The following RASEF variants were observed in gnomAD, a reference collection of about 807,000 sequenced individuals.
The protein encoded by RASEF is ras and EF-hand domain-containing protein.
RASEF carries 68 observed loss-of-function variants against 90.1 expected under a neutral mutation model. The observed-to-expected ratio is 0.75, with a 90% CI of 0.62 to 0.92. RASEF has a LOEUF of 0.92. RASEF is among the 40% of genes least tolerant of loss of function. The pLI, the probability that RASEF is intolerant of heterozygous loss-of-function variation, is 0.00. For synonymous variants in RASEF, 331 were observed against 345.2 expected (o/e 0.96, Z 0.46); for missense variants, 949 against 937.2 (o/e 1.01, Z -0.16).
intron 1 of RASEF, among the ~76,000 whole-genome samples, chr9:83,032,048 C>T (rs781451257): frequency 3.0e-4 from 45 of 152,224 alleles, no homozygotes; most frequent in South Asian, 1.0e-3. Context: ...GGTCCCTCTA[C>T]GTAAGATTTA....
rs2117933652 is a variant in RASEF, at chr9:83,062,900, G to C, written c.-33C>G. ...GGCGGGGGCGGCCGAGAGGGCTCCG[G>C]AGCGCCGCGGGGCGCAGGGCCCTCC... On this transcript the variant is annotated 5_prime_UTR_variant, in exon 1 of 17. Coordinates refer to ENST00000376447, the MANE Select transcript of RASEF (RefSeq NM_152573.4). 7.1e-7 allele frequency: 1 copy of C among 1,411,986 alleles called. No homozygotes were observed. The highest frequency in any genetic ancestry group is 9.1e-7 in the Non-Finnish European group (1 of 1,095,814). 87.5% of individuals were successfully genotyped at this position (1,411,986 alleles called of 1,614,324 possible).
At chr9:83,102,225 C>T in the RASEF span, among the ~76,000 whole-genome samples, 2 of 152,094 alleles carry the variant, frequency 1.3e-5, no homozygotes, top group East Asian at 1.9e-4. Context: ...TATAGGCGCC[C>T]GCCACCACGC....
At chr9:83,192,585 C>A in the RASEF span, among the ~76,000 whole-genome samples, 8 of 151,750 alleles carry the variant, frequency 5.3e-5, no homozygotes, top group Non-Finnish European at 1.0e-4. Flanking sequence ...GAGAGGGGAG[C>A]AGAAAAAATA....
the RASEF span, among the ~76,000 whole-genome samples, chr9:83,134,818 G>A: frequency 2.3e-4 from 35 of 152,182 alleles, no homozygotes; most frequent in African/African-American, 4.1e-4. Flanking sequence ...ATAAATGCTC[G>A]TAGCAGTATT....
chr9:83,091,538 G>A, the RASEF span, among the ~76,000 whole-genome samples: 4 of 152,184 alleles, frequency 2.6e-5, no homozygotes, highest in Non-Finnish European at 4.4e-5. Context: ...CTGGATGACA[G>A]AGGGAGACAC....
At chr9:83,144,391 G>GAAAGGAAGGAAAGAAAGAAAGAAAGAAA in the RASEF span, among the ~76,000 whole-genome samples, 92 of 33,218 alleles carry the variant, frequency 2.8e-3, 2 homozygotes, top group East Asian at 7.0e-3. Flanking sequence ...AAGAAAGAAA[G>GAAAGGAAGGAAAGAAAGAAAGAAAGAAA]GAAAGAAAGA....
At chr9:83,207,450 G>A in the RASEF span, among the ~76,000 whole-genome samples, 7 of 152,106 alleles carry the variant, frequency 4.6e-5, no homozygotes, top group East Asian at 1.9e-4. Flanking sequence ...TGGGTTCATC[G>A]AAGTTACCAG....
the RASEF span, among the ~76,000 whole-genome samples, chr9:83,125,373 A>G: frequency 1.3e-5 from 2 of 152,166 alleles, no homozygotes; most frequent in African/African-American, 4.8e-5. Context: ...GCCCACTGAC[A>G]TGGATTTTGG....
the RASEF span, among the ~76,000 whole-genome samples, chr9:83,087,988 A>T: frequency 8.6e-5 from 13 of 151,974 alleles, no homozygotes; most frequent in African/African-American, 2.9e-4. Context: ...TTCCATTGTG[A>T]TTTCTCCTTT....
chr9:83,204,880 A>G, the RASEF span, among the ~76,000 whole-genome samples: 1 of 152,352 alleles, frequency 6.6e-6, no homozygotes, highest in East Asian at 1.9e-4. Flanking sequence ...AGTTTTGCCA[A>G]TTATAATTCT....
chr9:83,016,471 TG>T (rs34465702), intron 3 of RASEF, among the ~76,000 whole-genome samples: 76,046 of 151,712 alleles, frequency 0.5, 19,241 homozygotes, highest in East Asian at 0.73. Flanking sequence ...AAGCTCCCAC[TG>T]GCTGAAACAT....
chr9:83,064,438 G>T (rs1338012877), upstream of RASEF, among the ~76,000 whole-genome samples: 1 of 152,170 alleles, frequency 6.6e-6, no homozygotes, highest in African/African-American at 2.4e-5. Flanking sequence ...TTGAGCTTAT[G>T]TGCTTTCCTG....
At chr9:83,196,084 G>A in the RASEF span, among the ~76,000 whole-genome samples, 1 of 152,100 alleles carries the variant, frequency 6.6e-6, no homozygotes, top group South Asian at 2.1e-4. Flanking sequence ...TGACTGGCAG[G>A]TGGAGTTGGA....
chr9:83,214,931 C>A, the RASEF span, among the ~76,000 whole-genome samples: 1 of 151,884 alleles, frequency 6.6e-6, no homozygotes. Context: ...TTTTTGCACC[C>A]AAAAAGTTGC....
intron 7 of RASEF, 64 bp downstream of exon 7, chr9:83,007,373 G>T: frequency 7.8e-7 from 1 of 1,282,682 alleles, no homozygotes; most frequent in Non-Finnish European, 1.1e-6. Flanking sequence ...TATGTGTTAT[G>T]TCTTTTATTA....
At chr9:83,076,177 A>AAG in the RASEF span, among the ~76,000 whole-genome samples, 1 of 152,162 alleles carries the variant, frequency 6.6e-6, no homozygotes, top group East Asian at 1.9e-4. Flanking sequence ...AAAAAAAAAA[A>AAG]AAAATCTAAA....
the RASEF span, among the ~76,000 whole-genome samples, chr9:83,146,593 G>A: frequency 2.6e-5 from 4 of 152,168 alleles, no homozygotes; most frequent in Non-Finnish European, 5.9e-5. Context: ...GGTGAAAGTT[G>A]AAAACTCTTA....
At chr9:83,098,175 A>G in the RASEF span, among the ~76,000 whole-genome samples, 1 of 152,178 alleles carries the variant, frequency 6.6e-6, no homozygotes, top group Non-Finnish European at 1.5e-5. Flanking sequence ...ACAATCAGCA[A>G]CTAAGAGAGA....
the RASEF span, among the ~76,000 whole-genome samples, chr9:83,199,998 G>C: frequency 3.9e-5 from 6 of 152,200 alleles, no homozygotes; most frequent in Non-Finnish European, 7.4e-5. Context: ...TCTAAGACAT[G>C]CTTAAGTAAG....
Sources: gnomAD v4.1 joint callset for allele counts (sites outside exome capture counted in the v4.1 genomes callset) on GRCh38, gnomAD v4.1.1 for gene constraint, MANE v1.5 for transcripts, NCBI Gene and HGNC (gene_info 2026-07-23, HGNC 2026-07-21) for gene names.